NLRP4: variants seen among roughly 807,000 people sequenced by gnomAD.
NLRP4 encodes the protein NACHT, LRR and PYD domains-containing protein 4.
NLRP4 carries 44 observed loss-of-function variants against 84.7 expected under a neutral mutation model. The ratio of observed to expected loss-of-function variants is 0.52; its 90% CI spans 0.41 to 0.67. The LOEUF is 0.67. NLRP4 is among the 30% of genes least tolerant of loss of function. The probability of loss-of-function intolerance (pLI) is 0.00; values close to 1 mark genes in which losing one functional copy is unlikely to be tolerated. For missense variants in NLRP4, 1,260 were observed against 1,219.4 expected (o/e 1.03, Z -0.50); for synonymous variants, 544 against 476.4 (o/e 1.14, Z -1.85).
chr19:55,858,166 A>G lies in NLRP4; in HGVS notation c.773A>G (p.Gln258Arg). 1.2e-6 allele frequency: 2 copies of G among 1,614,172 alleles called. No individual in the cohort carries two copies. Among genetic ancestry groups the G allele is most frequent in the East Asian group, 4.5e-5 (2 of 44,878 alleles). Residue 258 changes from glutamine to arginine, a missense_variant, in exon 3 of 10, where the codon CAG (glutamine) becomes CGG (arginine). Physicochemically the swap from Gln to Arg is conservative, Grantham distance 43. This residue lies in a region of NLRP4 where 712 missense variants were observed against 669.2 expected (regional missense o/e 1.06). Transcript: ENST00000301295. The surrounding 1 kb of genome is among the most constrained non-coding windows in gnomAD (Gnocchi z 4.2). ...GACTTGATGGAGAAACGGCCGGTGCAGGTGCTTCTGAGCAGTTTGCTGAGG... is the reference window on the plus strand; with the variant it reads ...GACTTGATGGAGAAACGGCCGGTGCGGGTGCTTCTGAGCAGTTTGCTGAGG... ...CGDLMEKRPV[Q>R]VLLSSLLRKK...
At chr19:55,854,197 C>G (rs548014158) in intron 2 of NLRP4, among the ~76,000 whole-genome samples, 5 of 152,236 alleles carry the variant, frequency 3.3e-5, no homozygotes, top group African/African-American at 9.6e-5. Flanking sequence ...GTCTCGAACT[C>G]CTGACCTCAG....
chr19:55,852,473 TA>T, intron 2 of NLRP4, 113 bp downstream of exon 2: 1 of 651,662 alleles, frequency 1.5e-6, no homozygotes, highest in Non-Finnish European at 2.5e-6. Flanking sequence ...GGGAAAATAT[TA>T]GGTTTTTTTT....
At chr19:55,853,091 A>C (rs1984233860) in intron 2 of NLRP4, among the ~76,000 whole-genome samples, 1 of 152,264 alleles carries the variant, frequency 6.6e-6, no homozygotes, top group Non-Finnish European at 1.5e-5. Context: ...TCTATAAGCA[A>C]TATGGCTTTT....
intron 2 of NLRP4, among the ~76,000 whole-genome samples, chr19:55,853,909 C>CTT (rs1555808055): frequency 0.015 from 1,882 of 123,306 alleles, 135 homozygotes; most frequent in African/African-American, 0.078. Context: ...CTCTCTCTTT[C>CTT]TCTTTCTTTC....
intron 9 of NLRP4, 83 bp from the exon 10 acceptor site, chr19:55,881,387 G>T (rs758670259): frequency 1.4e-5 from 10 of 731,148 alleles, no homozygotes; most frequent in Admixed American, 2.3e-5. Context: ...CTTGTCCTGG[G>T]ATGAATTAGG....
intron 1 of NLRP4, among the ~76,000 whole-genome samples, chr19:55,842,869 C>T (rs1236196404): frequency 2.0e-5 from 3 of 152,060 alleles, no homozygotes; most frequent in African/African-American, 7.2e-5. Context: ...ACGCCGTTCT[C>T]CTGCCTCAGC....
chr19:55,838,349 A>G (rs1983469726), intron 1 of NLRP4, among the ~76,000 whole-genome samples: 1 of 151,568 alleles, frequency 6.6e-6, no homozygotes, highest in Non-Finnish European at 1.5e-5. Context: ...ATGGCATGTG[A>G]CAAAGTCAGA....
chr19:55,867,442 G>A (rs992455233), intron 5 of NLRP4, among the ~76,000 whole-genome samples: 3 of 141,020 alleles, frequency 2.1e-5, no homozygotes, highest in Admixed American at 7.1e-5. Flanking sequence ...CCAAGCATAC[G>A]TATAACTGAG....
At chr19:55,854,826 G>A (rs1000002806) in intron 2 of NLRP4, among the ~76,000 whole-genome samples, 2 of 152,036 alleles carry the variant, frequency 1.3e-5, no homozygotes, top group African/African-American at 4.8e-5. Context: ...AGGTTCATGC[G>A]GTTCTCCTGC....
At chr19:55,861,957 A>G (rs1304728413) in intron 4 of NLRP4, 35 bp from the exon 5 acceptor site, 2 of 1,510,926 alleles carry the variant, frequency 1.3e-6, no homozygotes, top group African/African-American at 1.4e-5. Flanking sequence ...CTCCCATTAG[A>G]TGAAACTCAT....
rs748466507 is a variant in NLRP4 at position 55,861,405 on chromosome 19, T to C, written c.1876T>C (p.Cys626Arg). ...HSSTSDYSLI[C>R]WHHICSVLTT... ...CCACAGGTCGGATTACAGCCTCATC[T>C]GTTGGCATCACATCTGCTCTGTGCT... The change falls in exon 4 of 10, where the codon TGT becomes CGT. Residue 626 changes from cysteine (C) to arginine (R), a missense_variant. Physicochemically the swap from Cys to Arg is radical, Grantham distance 180. This residue lies in a region of NLRP4 where 544 missense variants were observed against 531.7 expected (regional missense o/e 1.02). Coordinates refer to ENST00000301295, the MANE Select transcript of NLRP4 (RefSeq NM_134444.5). The C allele has an allele frequency of 6.2e-7, 1 of 1,614,044 alleles. No individual in the cohort carries two copies. Among genetic ancestry groups the C allele is most frequent in the South Asian group, 1.1e-5 (1 of 91,066 alleles).
chr19:55,857,410 C>A, intron 2 of NLRP4: 1 of 482,058 alleles, frequency 2.1e-6, no homozygotes. Context: ...CATATGGTTT[C>A]CATTTTAGGC....
chr19:55,845,084 G>C (rs1983743974), intron 1 of NLRP4, among the ~76,000 whole-genome samples: 1 of 151,582 alleles, frequency 6.6e-6, no homozygotes, highest in African/African-American at 2.4e-5. Context: ...GTGCAGGTTT[G>C]TTACATATGT....
At chr19:55,873,971 A>G (rs1985281138) in intron 7 of NLRP4, among the ~76,000 whole-genome samples, 2 of 152,206 alleles carry the variant, frequency 1.3e-5, no homozygotes, top group Admixed American at 1.3e-4. Flanking sequence ...GAACTTAAGG[A>G]TTTTTTTAAT....
intron 1 of NLRP4, among the ~76,000 whole-genome samples, chr19:55,849,618 T>C (rs1983935807): frequency 6.6e-6 from 1 of 152,198 alleles, no homozygotes; most frequent in African/African-American, 2.4e-5. Flanking sequence ...TCCAGCACCA[T>C]TTATGGAAGA....
chr19:55,855,419 A>T (rs1161120440), intron 2 of NLRP4, among the ~76,000 whole-genome samples: 1 of 152,196 alleles, frequency 6.6e-6, no homozygotes, highest in East Asian at 1.9e-4. Flanking sequence ...AGCTGAGAAG[A>T]CCAGGAAAGC....
At chr19:55,842,599 C>T (rs1284041710) in intron 1 of NLRP4, among the ~76,000 whole-genome samples, 1 of 151,924 alleles carries the variant, frequency 6.6e-6, no homozygotes, top group Admixed American at 6.6e-5. Context: ...AAGACTGACT[C>T]TATAAAGCAA....
intron 9 of NLRP4, 122 bp downstream of exon 9, chr19:55,879,086 G>C: frequency 1.3e-6 from 1 of 750,464 alleles, no homozygotes; most frequent in Non-Finnish European, 2.2e-6. Context: ...TCTCAGGGTT[G>C]TTGCAGGAGT....
At chr19:55,861,948 T>C (rs752707239) in intron 4 of NLRP4, 44 bp from the exon 5 acceptor site, 6 of 1,341,938 alleles carry the variant, frequency 4.5e-6, no homozygotes, top group South Asian at 3.5e-5. Context: ...CAGGCTGTGC[T>C]CCCATTAGAT....
Sources: allele counts gnomAD v4.1 joint callset (sites outside exome capture counted in the v4.1 genomes callset), GRCh38; gene constraint gnomAD v4.1.1; regional missense constraint gnomAD v4.1.1; non-coding constraint Gnocchi (gnomAD v3.1); transcripts MANE v1.5; gene names NCBI Gene and HGNC (gene_info 2026-07-23, HGNC 2026-07-21).